The following TM9SF4 variants were observed in gnomAD, a reference collection of about 807,000 sequenced individuals.
The protein encoded by TM9SF4 is transmembrane 9 superfamily member 4, also known as dinucleotide oxidase disulfide thiol exchanger 3 superfamily member 4.
TM9SF4 carries 26 observed loss-of-function variants against 90.4 expected under a neutral mutation model. The observed-to-expected ratio is 0.29, with a 90% confidence interval of 0.21 to 0.40. The LOEUF (loss-of-function observed/expected upper bound fraction) is 0.40. Among genes scored for constraint, TM9SF4 ranks in the 10% least tolerant of loss-of-function variants. TM9SF4 has a pLI of 1.00. For missense variants in TM9SF4, 549 were observed against 834.8 expected, an observed-to-expected ratio of 0.66 and a Z score of 4.22; for synonymous variants, 293 against 315.4, an observed-to-expected ratio of 0.93 and a Z score of 0.75.
intron 10 of TM9SF4, 149 bp downstream of exon 10, chr20:32,149,915 C>A: frequency 8.7e-7 from 1 of 1,151,384 alleles, no homozygotes; most frequent in Non-Finnish European, 1.2e-6. Context: ...CCAGACAGGC[C>A]GTCTATCTCA....
chr20:32,149,791 C>A, intron 10 of TM9SF4, 25 bp downstream of exon 10: 1 of 1,611,810 alleles, frequency 6.2e-7, no homozygotes, highest in Non-Finnish European at 8.5e-7. Flanking sequence ...CGGGGCCGGG[C>A]ATGGGGGCAT....
Position 32,150,819 on chromosome 20 carries a change from G to T in TM9SF4, c.1189G>T (p.Ala397Ser). The T allele has an allele frequency of 6.2e-7, 1 of 1,614,232 alleles. No individual in the cohort carries two copies. Among genetic ancestry groups the T allele is most frequent in the Non-Finnish European group, 8.5e-7 (1 of 1,180,046 alleles). ...CCACAGGGTGTTTGGCGGATTTTCT[G>T]CTGGCCGTCTGTACCGCACTTTAAA... is the stretch of plus-strand genomic sequence containing the variant. Reference protein sequence around the residue: ...MFMGVFGGFSAGRLYRTLKGH... With the variant: ...MFMGVFGGFSSGRLYRTLKGH... The change falls in exon 12 of 18, where the codon GCT (alanine) becomes TCT (serine). Residue 397 changes from alanine (A) to serine (S), a missense_variant. This residue lies in a region of TM9SF4 where 495 missense variants were observed against 711.7 expected (regional missense o/e 0.70). Transcript: ENST00000398022.
chr20:32,136,991 C>T (rs1218279891), intron 3 of TM9SF4: 1 of 469,592 alleles, frequency 2.1e-6, no homozygotes, highest in South Asian at 1.5e-5. Flanking sequence ...AATTTATCTA[C>T]TGCCAGGTAT....
At chr20:32,140,635 G>T (rs144208541) in intron 3 of TM9SF4, among the ~76,000 whole-genome samples, 1 of 152,294 alleles carries the variant, frequency 6.6e-6, no homozygotes, top group African/African-American at 2.4e-5. Context: ...ACCCTGTGAG[G>T]TGGATACTGT....
At chr20:32,123,198 AGGGGGGAGGGG>A (rs2046357810) in intron 1 of TM9SF4, among the ~76,000 whole-genome samples, 1 of 782 alleles carries the variant, frequency 1.3e-3, no homozygotes, top group African/African-American at 3.4e-3. Context: ...GGAGAGGGGG[AGGGGGGAGGGG>A]GAGGGGGGAG....
chr20:32,142,315 C>G (rs1020102419), intron 5 of TM9SF4, among the ~76,000 whole-genome samples: 1 of 152,162 alleles, frequency 6.6e-6, no homozygotes, highest in Non-Finnish European at 1.5e-5. Flanking sequence ...TTAGCACATT[C>G]GTGTGAGCCC....
In TM9SF4 at chr20:32,129,497, A is replaced by G. The variant is rs546606423; in HGVS notation, c.16-3516A>G. ...AACAGAGTGAGACCCTGTCTCAAAA[A>G]AAGAAAAACATGTCATCACTTTCAA... On this transcript the variant is annotated intron_variant, in intron 1 of 17. Transcript: ENST00000398022. Among the ~76,000 whole-genome samples, 498 of 152,306 alleles carry G rather than the reference A, an allele frequency of 3.3e-3. 1 individual carries two copies. The highest frequency in any genetic ancestry group is 4.6e-3 in the Non-Finnish European group (315 of 68,026).
intron 1 of TM9SF4, among the ~76,000 whole-genome samples, chr20:32,113,364 T>C (rs566085221): frequency 6.6e-6 from 1 of 152,304 alleles, no homozygotes; most frequent in African/African-American, 2.4e-5. Context: ...AGATAGCTGG[T>C]GTAAACTGAA....
chr20:32,111,640 T>G (rs554193292), intron 1 of TM9SF4, among the ~76,000 whole-genome samples: 2 of 152,146 alleles, frequency 1.3e-5, no homozygotes, highest in Non-Finnish European at 2.9e-5. Context: ...TGATAGTGAT[T>G]AGGGGTGACT....
At chr20:32,131,481 A>AGTGTGTGT (rs10524812) in intron 1 of TM9SF4, among the ~76,000 whole-genome samples, 3,476 of 147,630 alleles carry the variant, frequency 0.024, 98 homozygotes, top group African/African-American at 0.064. Flanking sequence ...GAGTCATCAG[A>AGTGTGTGT]GTGTGTGTGT....
At chr20:32,143,670 G>T (rs2046715198) in intron 6 of TM9SF4, among the ~76,000 whole-genome samples, 1 of 152,054 alleles carries the variant, frequency 6.6e-6, no homozygotes, top group Admixed American at 6.6e-5. Context: ...GATCATCACA[G>T]TGTGCTTTTT....
At chr20:32,155,064 C>A (rs1224811152) in intron 12 of TM9SF4, 39 bp from the exon 13 acceptor site, 1 of 1,582,618 alleles carries the variant, frequency 6.3e-7, no homozygotes, top group Admixed American at 1.7e-5. Flanking sequence ...AGGGGAGGTC[C>A]CTGGATGCTG....
At chr20:32,145,291 G>A (rs1166740563) in intron 7 of TM9SF4, 21 bp from the exon 8 acceptor site, 26 of 1,613,634 alleles carry the variant, frequency 1.6e-5, no homozygotes, top group Non-Finnish European at 2.2e-5. Context: ...CTGACTCTAA[G>A]TGCTTCCTCC....
chr20:32,160,949 C>CAAAA (rs34767421), intron 16 of TM9SF4: 5 of 41,692 alleles, frequency 1.2e-4, no homozygotes, highest in Admixed American at 3.8e-4. Flanking sequence ...GACTCCATCT[C>CAAAA]AAAAAAAAAA....
At chr20:32,133,486 C>T (rs933473569) in intron 2 of TM9SF4, among the ~76,000 whole-genome samples, 1 of 152,202 alleles carries the variant, frequency 6.6e-6, no homozygotes, top group Non-Finnish European at 1.5e-5. Context: ...CTCACCTGCT[C>T]CATCTTCTCT....
intron 8 of TM9SF4, 127 bp downstream of exon 8, chr20:32,145,550 G>A (rs2046752128): frequency 4.0e-6 from 3 of 754,044 alleles, no homozygotes; most frequent in Non-Finnish European, 6.7e-6. Flanking sequence ...CAGACATCAG[G>A]GCTCTGCTAA....
intron 1 of TM9SF4, among the ~76,000 whole-genome samples, chr20:32,123,868 T>TATATA (rs1161883493): frequency 7.0e-5 from 3 of 43,116 alleles, no homozygotes; most frequent in Non-Finnish European, 1.4e-4. Context: ...ATATATATAT[T>TATATA]TTTTTTTTTA....
intron 1 of TM9SF4, among the ~76,000 whole-genome samples, chr20:32,125,031 G>A (rs1451663063): frequency 6.6e-6 from 1 of 152,144 alleles, no homozygotes. Context: ...CTTCAAGGGA[G>A]GTCATGAGAC....
rs1050471852 is a variant in TM9SF4, at chr20:32,151,673, T to G, written c.1245+798T>G. Among the ~76,000 whole-genome samples the G allele has an allele frequency of 1.6e-3, 239 of 152,204 alleles. 6 individuals carry two copies. The highest frequency in any genetic ancestry group is 0.011 in the East Asian group (55 of 5,176). On this transcript the variant is annotated intron_variant, in intron 12 of 17. Transcript: ENST00000398022. ...AGAAAGGTTCCTGAATTGTTTTTTG[T>G]TTTTTTATTGTTGTTGTTTGTTTTT...
Sources: gnomAD v4.1 joint callset for allele counts (sites outside exome capture counted in the v4.1 genomes callset) on GRCh38, gnomAD v4.1.1 for gene constraint, gnomAD v4.1.1 regional missense constraint, MANE v1.5 for transcripts, NCBI Gene and HGNC (gene_info 2026-07-23, HGNC 2026-07-21) for gene names.